Variants in JARID2 observed in about 807,000 individuals in gnomAD.
JARID2 encodes the protein protein Jumonji.
JARID2 carries 21 observed loss-of-function variants against 125.6 expected under a neutral mutation model. The ratio of observed to expected loss-of-function variants is 0.17; its 90% CI spans 0.12 to 0.24. JARID2 has a LOEUF of 0.24. Among genes scored for constraint, JARID2 ranks in the 10% least tolerant of loss-of-function variants. The probability of loss-of-function intolerance (pLI) is 1.00; values close to 1 mark genes in which losing one functional copy is unlikely to be tolerated. For missense variants in JARID2, 1,303 were observed against 1,639.6 expected, an observed-to-expected ratio of 0.79 and a Z score of 3.55; for synonymous variants, 736 against 661.6, an observed-to-expected ratio of 1.11 and a Z score of -1.73.
chr6:15,504,310 A>C (rs1006661695), intron 8 of JARID2, among the ~76,000 whole-genome samples, 190 bp from the exon 9 acceptor site: 2 of 151,618 alleles, frequency 1.3e-5, no homozygotes, highest in African/African-American at 4.9e-5. Flanking sequence ...GAGTCTTCCC[A>C]CTCCTCTTGG....
chr6:15,300,941 G>A (rs1410579179), intron 1 of JARID2, among the ~76,000 whole-genome samples: 2 of 152,166 alleles, frequency 1.3e-5, no homozygotes, highest in Admixed American at 1.3e-4. Context: ...ATCAGTGGTA[G>A]TTATCAATGA....
At chr6:15,491,876 GTTA>G (rs1330002732) in intron 6 of JARID2, among the ~76,000 whole-genome samples, 2 of 152,214 alleles carry the variant, frequency 1.3e-5, no homozygotes, top group Non-Finnish European at 2.9e-5. Flanking sequence ...TGGAATTTCT[GTTA>G]TTAAGAACAA....
At chr6:15,261,471 C>T (rs542505554) in intron 1 of JARID2, among the ~76,000 whole-genome samples, 6 of 152,108 alleles carry the variant, frequency 3.9e-5, no homozygotes, top group South Asian at 4.2e-4. Context: ...GCGTGCGCCA[C>T]GACACCCACC....
Position 15,520,058 on chromosome 6 carries a change from C to A in JARID2, c.3559-11C>A. On this transcript the variant is annotated splice_polypyrimidine_tract_variant and intron_variant, in intron 17 of 17. Transcript: ENST00000341776. ...GTATGTTAACTGTGTCTTCCTTTCACCCCCAAACAGGAACAGATTATCAGT... is the reference window on the plus strand; with the variant it reads ...GTATGTTAACTGTGTCTTCCTTTCAACCCCAAACAGGAACAGATTATCAGT... The A allele has an allele frequency of 6.2e-7, 1 of 1,606,510 alleles. No individual in the cohort carries two copies. The highest frequency in any genetic ancestry group is 8.5e-7 in the Non-Finnish European group (1 of 1,176,466).
At chr6:15,487,079 A>G (rs572656225) in intron 5 of JARID2, among the ~76,000 whole-genome samples, 1 of 152,080 alleles carries the variant, frequency 6.6e-6, no homozygotes, top group South Asian at 2.1e-4. Flanking sequence ...GAGGTGGGAA[A>G]CACTTTTAAA....
At chr6:15,448,452 C>T (rs1157414351) in intron 3 of JARID2, among the ~76,000 whole-genome samples, 1 of 152,066 alleles carries the variant, frequency 6.6e-6, no homozygotes, top group African/African-American at 2.4e-5. Flanking sequence ...GGTTTGTTTT[C>T]CCTGACTTCT....
rs186546139 is a variant in JARID2, at chr6:15,347,717, A to G, written c.46-26400A>G. On this transcript the variant is annotated intron_variant, in intron 1 of 17. Coordinates refer to ENST00000341776, the MANE Select transcript of JARID2 (RefSeq NM_004973.4). Reference sequence around the variant, plus strand: ...TCAAAAATCCTTTACTGGACAAGGAAGTATATTCATTTATTTTTCAGAGCG... The same window carrying G: ...TCAAAAATCCTTTACTGGACAAGGAGGTATATTCATTTATTTTTCAGAGCG... Among the ~76,000 whole-genome samples the G allele has an allele frequency of 3.1e-3, 475 of 152,274 alleles. 10 individuals carry two copies. Among genetic ancestry groups the G allele is most frequent in the Admixed American group, 0.024 (365 of 15,300 alleles).
At chr6:15,440,624 T>C (rs544182225) in intron 3 of JARID2, among the ~76,000 whole-genome samples, 1 of 152,342 alleles carries the variant, frequency 6.6e-6, no homozygotes, top group Admixed American at 6.5e-5. Context: ...GCACAGTTTC[T>C]TTGGGTTGTA....
chr6:15,514,630 C>T (rs993039714), intron 16 of JARID2, among the ~76,000 whole-genome samples: 5 of 148,624 alleles, frequency 3.4e-5, no homozygotes, highest in Non-Finnish European at 5.9e-5. Context: ...TGAGTCAGAT[C>T]GTCAGATCGT....
At chr6:15,512,168 G>T in intron 13 of JARID2, 40 bp from the exon 14 acceptor site, 2 of 1,590,532 alleles carry the variant, frequency 1.3e-6, no homozygotes, top group Non-Finnish European at 1.7e-6. Context: ...GTGTCCCTGC[G>T]CACAGGGAGG....
rs746629156 is a variant in JARID2, at chr6:15,496,678, G to A, written c.1453G>A (p.Val485Met). 7 of 1,613,072 alleles carry A rather than the reference G, an allele frequency of 4.3e-6. No individual in the cohort carries two copies. The highest frequency in any genetic ancestry group is 2.2e-5 in the South Asian group (2 of 91,080). ...CGAGAGAGGTCTGCTGAACGGACAC[G>A]TGAAGAAGGAAGTGCCGGAGCGCAG... Reference protein sequence around the residue: ...PAERGLLNGHVKKEVPERSLE... With the variant: ...PAERGLLNGHMKKEVPERSLE... Residue 485 changes from valine (V) to methionine (M), a missense_variant, in exon 7 of 18, where the codon GTG (valine) becomes ATG (methionine). By Grantham distance (21) the Val-to-Met change is conservative. Around this residue, in one of 11 missense-constraint regions of JARID2, gnomAD observed 651 missense variants for 581.6 expected, o/e 1.12. Coordinates refer to ENST00000341776, the MANE Select transcript of JARID2 (RefSeq NM_004973.4).
intron 2 of JARID2, among the ~76,000 whole-genome samples, chr6:15,393,379 T>C (rs1365613081): frequency 1.3e-5 from 2 of 152,276 alleles, no homozygotes; most frequent in African/African-American, 4.8e-5. Flanking sequence ...ATGTAGGTTT[T>C]CCCTTAGCTC....
chr6:15,317,671 A>G (rs1762223442), intron 1 of JARID2, among the ~76,000 whole-genome samples: 1 of 151,944 alleles, frequency 6.6e-6, no homozygotes, highest in Non-Finnish European at 1.5e-5. Context: ...GTTCTGAAGT[A>G]TCTTTTTTGA....
Position 15,509,438 on chromosome 6 carries a change from G to T in JARID2, c.2846+984G>T, listed in dbSNP as rs1445178588. ...CTCATTTTGGCTGTTCTGGTGAGTG[G>T]TGCTGTGGACATGAGGGAGCCCTCC... is the stretch of plus-strand genomic sequence containing the variant. On this transcript the variant is annotated intron_variant, in intron 12 of 17. Transcript: ENST00000341776. 3 of 820,900 alleles carry T rather than the reference G, an allele frequency of 3.7e-6. No homozygotes were observed. In the Admixed American group the frequency reaches 1.9e-4, roughly 51 times the overall value. The allele number at this position is 820,900 out of a possible 1,614,324, so 50.9% of individuals were successfully genotyped here.
chr6:15,497,187 G>A lies in JARID2; in HGVS notation c.1945+17G>A, dbSNP rs1180314153. 1.3e-6 allele frequency: 2 copies of A among 1,524,656 alleles called. No individual in the cohort carries two copies. The highest frequency in any genetic ancestry group is 1.7e-4 in the Middle Eastern group (1 of 5,840). The allele number at this position is 1,524,656 out of a possible 1,614,324, so 94.4% of individuals were successfully genotyped here. On this transcript the variant is annotated intron_variant, in intron 7 of 17. Coordinates refer to ENST00000341776, the MANE Select transcript of JARID2 (RefSeq NM_004973.4). ...CGCTCATAGGTAGGTCTGGGCGGGG[G>A]GTCAGGGGGTGGTGCCTGCCCTCCT...
rs755051913 is a variant in JARID2 at position 15,513,331 on chromosome 6, C to A, written c.3359C>A (p.Ala1120Glu). ...YGSHDGSSTVADGKKKPRKWL... is the reference protein window; with the variant it reads ...YGSHDGSSTVEDGKKKPRKWL... The stretch of plus-strand genomic sequence containing the variant: ...AGCCACGATGGCAGCAGCACGGTGG[C>A]GGACGGGAAGAAAAAGCCTCGAAAG... The change falls in exon 16 of 18, where the codon GCG becomes GAG. Residue 1120 changes from alanine to glutamate, a missense_variant. Physicochemically the swap from Ala to Glu is moderately radical, Grantham distance 107. Transcript: ENST00000341776. 1 of 1,612,500 alleles carries A rather than the reference C, an allele frequency of 6.2e-7. No individual in the cohort carries two copies. The highest frequency in any genetic ancestry group is 8.5e-7 in the Non-Finnish European group (1 of 1,179,554).
intron 1 of JARID2, among the ~76,000 whole-genome samples, chr6:15,370,948 T>C (rs1289223519): frequency 6.6e-6 from 1 of 152,246 alleles, no homozygotes; most frequent in Non-Finnish European, 1.5e-5. Context: ...CTACTAGATT[T>C]GTGTCTTGCA....
intron 1 of JARID2, among the ~76,000 whole-genome samples, chr6:15,337,706 T>C (rs1286172102): frequency 6.6e-6 from 1 of 152,036 alleles, no homozygotes; most frequent in Non-Finnish European, 1.5e-5. Context: ...TTAAACTGTT[T>C]CTCTCTTTTT....
At chr6:15,416,068 G>C (rs1194142371) in intron 3 of JARID2, among the ~76,000 whole-genome samples, 3 of 151,798 alleles carry the variant, frequency 2.0e-5, no homozygotes, top group South Asian at 2.1e-4. Flanking sequence ...GGGCAGAGGC[G>C]CTCCCCACAT....
Sources: gnomAD v4.1 joint callset for allele counts (sites outside exome capture counted in the v4.1 genomes callset) on GRCh38, gnomAD v4.1.1 for gene constraint, gnomAD v4.1.1 regional missense constraint, MANE v1.5 for transcripts, NCBI Gene and HGNC (gene_info 2026-07-23, HGNC 2026-07-21) for gene names.